Variants in THSD7B observed in about 807,000 individuals in gnomAD.
The protein encoded by THSD7B is thrombospondin type-1 domain-containing protein 7B.
A neutral mutation model predicts 213.6 loss-of-function variants in THSD7B; 138 were observed. The observed-to-expected ratio is 0.65, with a 90% CI of 0.56 to 0.74. The LOEUF (loss-of-function observed/expected upper bound fraction) is 0.74, where lower values mean the gene tolerates loss of function less well. Ranked by LOEUF, THSD7B falls within the 30% of genes least tolerant of loss-of-function variation. The pLI is 0.00. For synonymous variants in THSD7B, 742 were observed against 687.0 expected (o/e 1.08, Z -1.25); for missense variants, 1,931 against 1,991.5 (o/e 0.97, Z 0.58).
chr2:137,226,328 T>A (rs1353510508), intron 7 of THSD7B, among the ~76,000 whole-genome samples: 1 of 151,758 alleles, frequency 6.6e-6, no homozygotes, highest in African/African-American at 2.4e-5. Flanking sequence ...TGTGGATTCA[T>A]GGTTGTCTAG....
chr2:136,831,552 A>G (rs1379342604), intron 1 of THSD7B, among the ~76,000 whole-genome samples: 2 of 152,208 alleles, frequency 1.3e-5, no homozygotes, highest in Admixed American at 6.5e-5. Context: ...GTAAAGAGGT[A>G]TTCTCCAAAA....
At chr2:136,888,646 TGG>T (rs1173896647) in intron 2 of THSD7B, among the ~76,000 whole-genome samples, 1 of 152,112 alleles carries the variant, frequency 6.6e-6, no homozygotes, top group Admixed American at 6.6e-5. Flanking sequence ...TATAGACATA[TGG>T]CCTGGAGTTC....
chr2:137,586,136 T>C (rs1681721012), intron 17 of THSD7B, among the ~76,000 whole-genome samples: 1 of 152,188 alleles, frequency 6.6e-6, no homozygotes, highest in East Asian at 1.9e-4. Context: ...AAGTCTGTTT[T>C]ATCAGAGACT....
At chr2:137,266,914 G>T (rs1386455605) in intron 10 of THSD7B, among the ~76,000 whole-genome samples, 1 of 152,028 alleles carries the variant, frequency 6.6e-6, no homozygotes, top group Admixed American at 6.6e-5. Flanking sequence ...CTCATTAATC[G>T]AATAACTCTG....
At chr2:137,608,267 G>GTC (rs1012872460) in intron 17 of THSD7B, among the ~76,000 whole-genome samples, 1 of 151,758 alleles carries the variant, frequency 6.6e-6, no homozygotes, top group Non-Finnish European at 1.5e-5. Flanking sequence ...AGTTCCTTGT[G>GTC]TCTGTTCCCT....
At chr2:137,588,519 T>C (rs554082334) in intron 17 of THSD7B, among the ~76,000 whole-genome samples, 1 of 151,856 alleles carries the variant, frequency 6.6e-6, no homozygotes, top group African/African-American at 2.4e-5. Context: ...TATCTTGTGG[T>C]TATAGTCTTT....
rs185481537 is a variant in THSD7B at position 137,416,685 on chromosome 2, C to T, written c.2959+4813C>T. On this transcript the variant is annotated intron_variant, in intron 14 of 27. Coordinates refer to ENST00000409968, the MANE Select transcript of THSD7B (RefSeq NM_001316349.2). ...GCCCATATACAGGTTCTGAAGTGTGCGTGCAGTGTATGCACATGTTTTAAC... is the reference window on the plus strand; with the variant it reads ...GCCCATATACAGGTTCTGAAGTGTGTGTGCAGTGTATGCACATGTTTTAAC... 1.5e-3 allele frequency among the ~76,000 whole-genome samples: 235 copies of T among 152,300 alleles called. 2 individuals are homozygous for T. The highest frequency in any genetic ancestry group is 0.012 in the Admixed American group (187 of 15,296).
At chr2:137,364,708 G>A (rs1261673751) in intron 12 of THSD7B, among the ~76,000 whole-genome samples, 1 of 152,084 alleles carries the variant, frequency 6.6e-6, no homozygotes, top group Non-Finnish European at 1.5e-5. Flanking sequence ...TCTTCAAGGA[G>A]AACTACAAAC....
At chr2:137,395,066 A>T (rs1362197509) in intron 12 of THSD7B, among the ~76,000 whole-genome samples, 3 of 141,960 alleles carry the variant, frequency 2.1e-5, no homozygotes, top group African/African-American at 7.9e-5. Flanking sequence ...TTTTGGGCTG[A>T]GACAATGGGG....
At chr2:136,814,378 GT>G (rs949376926) in intron 1 of THSD7B, among the ~76,000 whole-genome samples, 2 of 151,530 alleles carry the variant, frequency 1.3e-5, no homozygotes, top group African/African-American at 2.4e-5. Context: ...AGTAAGATTT[GT>G]TTTTTTTCTT....
chr2:136,837,404 C>A lies in THSD7B; in HGVS notation c.-35-44740C>A, dbSNP rs192582615. On this transcript the variant is annotated intron_variant, in intron 1 of 27. Coordinates refer to ENST00000409968, the MANE Select transcript of THSD7B (RefSeq NM_001316349.2). ...GCCTCTGTTCCCTCTGCTTATAATT[C>A]TCCTCACCCAGATACATGCATGACA... 7.1e-4 allele frequency among the ~76,000 whole-genome samples: 108 copies of A among 152,286 alleles called. 1 individual carries two copies. Among genetic ancestry groups the A allele is most frequent in the African/African-American group, 1.9e-3 (80 of 41,562 alleles).
intron 17 of THSD7B, among the ~76,000 whole-genome samples, chr2:137,578,186 T>C (rs1274507978): frequency 1.3e-5 from 2 of 152,152 alleles, no homozygotes; most frequent in Non-Finnish European, 2.9e-5. Context: ...AAGGAGACCA[T>C]GGTGAGGATC....
At chr2:137,569,116 C>T (rs750748292) in intron 16 of THSD7B, among the ~76,000 whole-genome samples, 1 of 152,122 alleles carries the variant, frequency 6.6e-6, no homozygotes, top group Non-Finnish European at 1.5e-5. Flanking sequence ...CCAAGAAATG[C>T]AGTGTTGCTG....
chr2:136,999,181 G>T (rs1291624892), intron 2 of THSD7B, among the ~76,000 whole-genome samples: 1 of 152,148 alleles, frequency 6.6e-6, no homozygotes, highest in Admixed American at 6.5e-5. Flanking sequence ...ACCCCAAGTA[G>T]ATAGTAGCCA....
intron 10 of THSD7B, among the ~76,000 whole-genome samples, chr2:137,271,543 C>T (rs1429148763): frequency 6.7e-6 from 1 of 148,674 alleles, no homozygotes; most frequent in African/African-American, 2.5e-5. Context: ...TATCAAGGCC[C>T]TCAAAGCAGA....
At chr2:137,329,453 C>T (rs1414997605) in intron 12 of THSD7B, among the ~76,000 whole-genome samples, 2 of 152,126 alleles carry the variant, frequency 1.3e-5, no homozygotes, top group Non-Finnish European at 2.9e-5. Context: ...GCAACCCCCA[C>T]CTCCAGGGTT....
intron 6 of THSD7B, among the ~76,000 whole-genome samples, chr2:137,169,167 G>GAA (rs58288399): frequency 8.1e-4 from 96 of 118,180 alleles, no homozygotes; most frequent in African/African-American, 2.3e-3. Flanking sequence ...GTTATCTTAG[G>GAA]AAAAAAAAAA....
chr2:136,784,991 T>C (rs968342611), intron 1 of THSD7B, among the ~76,000 whole-genome samples: 2 of 151,912 alleles, frequency 1.3e-5, no homozygotes, highest in Non-Finnish European at 2.9e-5. Flanking sequence ...CTTCATTATG[T>C]CTCTCTCTCT....
chr2:137,613,213 A>G (rs1682320188), intron 17 of THSD7B, among the ~76,000 whole-genome samples: 1 of 152,074 alleles, frequency 6.6e-6, no homozygotes, highest in Non-Finnish European at 1.5e-5. Flanking sequence ...CACCTGTCCT[A>G]TAAACATTTT....
Sources: gnomAD v4.1 joint callset for allele counts (sites outside exome capture counted in the v4.1 genomes callset) on GRCh38, gnomAD v4.1.1 for gene constraint, MANE v1.5 for transcripts, NCBI Gene and HGNC (gene_info 2026-07-23, HGNC 2026-07-21) for gene names.